The following TMEM245 variants were observed in gnomAD, a reference collection of about 807,000 sequenced individuals.
TMEM245 encodes the protein protein CG-2.
TMEM245 carries 69 observed loss-of-function variants against 101.2 expected under a neutral mutation model. The ratio of observed to expected loss-of-function variants is 0.68; its 90% confidence interval spans 0.56 to 0.83. The LOEUF is 0.83. TMEM245 is among the 40% of genes least tolerant of loss of function. The pLI is 0.00. For synonymous variants in TMEM245, 537 were observed against 449.8 expected (o/e 1.19, Z -2.45); for missense variants, 1,075 against 1,092.8 (o/e 0.98, Z 0.23).
chr9:109,108,410 A>T, intron 2 of TMEM245, 43 bp downstream of exon 2: 1 of 1,183,242 alleles, frequency 8.5e-7, no homozygotes, highest in African/African-American at 1.6e-5. Flanking sequence ...TGCTGACCTT[A>T]GGCTAGACTT....
At chr9:109,114,647 A>G (rs766940831) in intron 1 of TMEM245, among the ~76,000 whole-genome samples, 1 of 152,196 alleles carries the variant, frequency 6.6e-6, no homozygotes, top group Non-Finnish European at 1.5e-5. Flanking sequence ...AGAAAAAACA[A>G]ATCTATTACT....
At chr9:109,118,890 T>C (rs889186117) in intron 1 of TMEM245, among the ~76,000 whole-genome samples, 3 of 152,170 alleles carry the variant, frequency 2.0e-5, no homozygotes, top group Non-Finnish European at 4.4e-5. Context: ...AGAGGTCACC[T>C]TTCCTATCTG....
intron 17 of TMEM245, among the ~76,000 whole-genome samples, chr9:109,026,688 C>T (rs1306510713): frequency 6.6e-6 from 1 of 150,674 alleles, no homozygotes; most frequent in Admixed American, 6.7e-5. Context: ...CTGTCCCCTG[C>T]AAATCTTATG....
At chr9:109,031,512 G>T (rs1207423043) in intron 17 of TMEM245, among the ~76,000 whole-genome samples, 2 of 152,264 alleles carry the variant, frequency 1.3e-5, no homozygotes, top group East Asian at 3.9e-4. Flanking sequence ...ACTGACTCAA[G>T]AGTACCTACC....
At position 109,070,680 on chromosome 9, in the gene TMEM245, T is replaced by C. The variant is rs530845658; in HGVS notation, c.1532+2676A>G. 2.0e-5 allele frequency among the ~76,000 whole-genome samples: 3 copies of C among 152,326 alleles called. No homozygotes were observed. In the East Asian group the frequency reaches 5.8e-4, roughly 29 times the overall value. Reference sequence around the variant, plus strand: ...TGATTCTACTTCTCTACTTATATCCTTAATCAAAATAATAAACATATCTAT... The same window carrying C: ...TGATTCTACTTCTCTACTTATATCCCTAATCAAAATAATAAACATATCTAT... On this transcript the variant is annotated intron_variant, in intron 9 of 17. Transcript: ENST00000374586.
intron 7 of TMEM245, among the ~76,000 whole-genome samples, chr9:109,084,176 T>C (rs1477808593): frequency 6.6e-6 from 1 of 152,108 alleles, no homozygotes; most frequent in Non-Finnish European, 1.5e-5. Context: ...CACCCTCTCT[T>C]CTCTTGAATT....
chr9:109,118,433 A>G (rs6477690), intron 1 of TMEM245, among the ~76,000 whole-genome samples: 31,045 of 152,146 alleles, frequency 0.2, 3,360 homozygotes, highest in East Asian at 0.34. Context: ...TACGCACTAA[A>G]TCTCCACTTG....
chr9:109,115,293 G>C (rs1445518961), intron 1 of TMEM245, among the ~76,000 whole-genome samples: 1 of 151,948 alleles, frequency 6.6e-6, no homozygotes, highest in African/African-American at 2.4e-5. Context: ...GCAGTGAGCT[G>C]AGATCACACC....
intron 14 of TMEM245, among the ~76,000 whole-genome samples, chr9:109,039,629 A>G (rs1828243087): frequency 6.6e-6 from 1 of 152,198 alleles, no homozygotes; most frequent in Admixed American, 6.5e-5. Context: ...GAATAATTAT[A>G]AAAGAGTACA....
chr9:109,100,468 T>G (rs1830256389), intron 3 of TMEM245, among the ~76,000 whole-genome samples: 1 of 152,116 alleles, frequency 6.6e-6, no homozygotes, highest in African/African-American at 2.4e-5. Flanking sequence ...GGACTATAGA[T>G]GCACACTACC....
In TMEM245 at chr9:109,073,483, A is replaced by T. The variant is rs768074113; in HGVS notation, c.1450-45T>A. The stretch of plus-strand genomic sequence containing the variant: ...AGAAAAGAATCTCAGTAAAAAATAA[A>T]CCCAATTTAACATTTATTTTTCTAC... On this transcript the variant is annotated intron_variant, in intron 8 of 17. Transcript: ENST00000374586. 11 of 1,395,234 alleles carry T rather than the reference A, an allele frequency of 7.9e-6. No individual in the cohort carries two copies. In the South Asian group the frequency reaches 1.3e-4, roughly 17 times the overall value. 86.4% of individuals were successfully genotyped at this position (1,395,234 alleles called of 1,614,324 possible). A position where few individuals can be genotyped will look rare whatever the true frequency, so the allele number is the denominator to read the frequency against.
intron 12 of TMEM245, 82 bp downstream of exon 12, chr9:109,057,109 C>T: frequency 6.9e-7 from 1 of 1,449,770 alleles, no homozygotes; most frequent in South Asian, 1.3e-5. Flanking sequence ...ATAGATGAGG[C>T]CTCAAAGTGT....
At chr9:109,093,780 T>C (rs902839635) in intron 3 of TMEM245, among the ~76,000 whole-genome samples, 189 bp from the exon 4 acceptor site, 1 of 152,214 alleles carries the variant, frequency 6.6e-6, no homozygotes, top group African/African-American at 2.4e-5. Context: ...AGCAAATCCC[T>C]TGACTCTCTG....
At chr9:109,075,564 TTTC>T (rs1170296081) in intron 8 of TMEM245, among the ~76,000 whole-genome samples, 1 of 152,238 alleles carries the variant, frequency 6.6e-6, no homozygotes, top group Non-Finnish European at 1.5e-5. Flanking sequence ...AATTTTTCTA[TTTC>T]TTCTTGAGTC....
At chr9:109,072,290 T>C (rs554620486) in intron 9 of TMEM245, among the ~76,000 whole-genome samples, 1 of 152,290 alleles carries the variant, frequency 6.6e-6, no homozygotes, top group Admixed American at 6.5e-5. Context: ...ATGTGCAGGC[T>C]CCTAGTTAAG....
intron 5 of TMEM245, among the ~76,000 whole-genome samples, chr9:109,090,167 G>A (rs1829957432): frequency 6.6e-6 from 1 of 152,080 alleles, no homozygotes; most frequent in Admixed American, 6.5e-5. Flanking sequence ...AGGCTGAGGT[G>A]GGAGAATTGC....
chr9:109,083,899 T>TAA (rs1829745048), intron 7 of TMEM245, among the ~76,000 whole-genome samples: 1 of 2,008 alleles, frequency 5.0e-4, no homozygotes, highest in Non-Finnish European at 1.1e-3. Context: ...CTACTAAAAA[T>TAA]ACAAAAAAAA....
intron 14 of TMEM245, among the ~76,000 whole-genome samples, chr9:109,047,305 G>T (rs887015492): frequency 2.0e-5 from 3 of 152,164 alleles, no homozygotes; most frequent in Admixed American, 2.0e-4. Flanking sequence ...TCCCAAGAAG[G>T]GAAGTCGAAT....
At chr9:109,038,204 T>C in intron 14 of TMEM245, 87 bp from the exon 15 acceptor site, 2 of 938,202 alleles carry the variant, frequency 2.1e-6, no homozygotes, top group South Asian at 1.8e-5. Flanking sequence ...TGATTCCAAA[T>C]CATGTAATAG....
Sources: gnomAD v4.1 joint callset for allele counts (sites outside exome capture counted in the v4.1 genomes callset) on GRCh38, gnomAD v4.1.1 for gene constraint, MANE v1.5 for transcripts, NCBI Gene and HGNC (gene_info 2026-07-23, HGNC 2026-07-21) for gene names.